SLC22A31: variants seen among roughly 807,000 people sequenced by gnomAD.
SLC22A31 encodes the protein putative solute carrier family 22 member 31.
Under a neutral mutation model 27.4 loss-of-function variants are expected in SLC22A31, and 42 were observed. That is an observed-to-expected ratio of 1.53 (90% CI 1.20 to 1.98). The LOEUF is 1.98. Ranked by LOEUF, SLC22A31 falls within the 30% of genes most tolerant of loss-of-function variation. The probability of loss-of-function intolerance (pLI) is 0.00; values close to 1 mark genes in which losing one functional copy is unlikely to be tolerated. For missense variants in SLC22A31, 593 were observed against 479.9 expected (o/e 1.24, Z -2.20); for synonymous variants, 290 against 230.8 (o/e 1.26, Z -2.33).
rs1010839834 is a variant in SLC22A31, at chr16:89,198,960, G to T, written c.452+63C>A. On this transcript the variant is annotated intron_variant, in intron 4 of 8. Coordinates refer to ENST00000682282, the MANE Select transcript of SLC22A31 (RefSeq NM_001384763.1). ...TTTACCTGGCATGGGATACGTCGGT[G>T]CAGAGGGAAGCTACATAGTCAGCCC... The T allele has an allele frequency of 4.0e-6, 6 of 1,514,744 alleles. No homozygotes were observed. The African/African-American group carries it at 8.3e-5, about 21-fold the overall frequency. The allele number at this position is 1,514,744 out of a possible 1,614,324, so 93.8% of individuals were successfully genotyped here.
chr16:89,196,386 C>G (rs1169336260), intron 8 of SLC22A31, 81 bp from the exon 9 acceptor site: 39 of 801,274 alleles, frequency 4.9e-5, no homozygotes, highest in East Asian at 2.9e-4. Context: ...GCCCGGCCCC[C>G]CTGTGGGACA....
In SLC22A31 at chr16:89,197,368, G is replaced by A; in HGVS notation, c.964C>T (p.Leu322Phe). 1 of 1,535,880 alleles carries A rather than the reference G, an allele frequency of 6.5e-7. No individual in the cohort carries two copies. Among genetic ancestry groups the A allele is most frequent in the Non-Finnish European group, 8.7e-7 (1 of 1,146,838 alleles). ...WTVLFLSVLG[L>F]LASRAVSALS... ...GCGGACACAGCCCGGGAGGCCAGGA[G>A]CCCCAGGACAGAGAGGAACAGCACA... Residue 322 changes from leucine (L) to phenylalanine (F), a missense_variant, in exon 8 of 9, where the codon CTC becomes TTC. Physicochemically the swap from Leu to Phe is conservative, Grantham distance 22 (BLOSUM62 0). Coordinates refer to ENST00000682282, the MANE Select transcript of SLC22A31 (RefSeq NM_001384763.1).
chr16:89,198,586 G>T (rs749715223), intron 5 of SLC22A31, 36 bp from the exon 6 acceptor site: 33 of 1,517,958 alleles, frequency 2.2e-5, no homozygotes, highest in Non-Finnish European at 2.9e-5. Flanking sequence ...GGGGGGTGAG[G>T]AGCTGTGCCT....
intron 8 of SLC22A31, among the ~76,000 whole-genome samples, chr16:89,196,702 C>T (rs1328959553): frequency 2.6e-5 from 4 of 152,166 alleles, no homozygotes; most frequent in Non-Finnish European, 5.9e-5. Flanking sequence ...AATCCCAGCA[C>T]TTTGGGAGGC....
At chr16:89,198,890 G>A (rs1426207528) in intron 4 of SLC22A31, 93 bp from the exon 5 acceptor site, 10 of 1,489,568 alleles carry the variant, frequency 6.7e-6, no homozygotes, top group East Asian at 2.5e-5. Flanking sequence ...CCAGGCTCAG[G>A]GGCAGGACAT....
At position 89,198,700 on chromosome 16, in the gene SLC22A31, C is replaced by A; in HGVS notation, c.550G>T (p.Gly184Cys). Residue 184 changes from glycine (G) to cysteine (C), a missense_variant, in exon 5 of 9, where the codon GGC (glycine) becomes TGC (cysteine). Coordinates refer to ENST00000682282, the MANE Select transcript of SLC22A31 (RefSeq NM_001384763.1). ...AAGGAACTGTCCCCGGGGCCCACGCCACTGGCTTCTGCAAAGCGCCACAGG... is the reference window on the plus strand; with the variant it reads ...AAGGAACTGTCCCCGGGGCCCACGCAACTGGCTTCTGCAAAGCGCCACAGG... Reference protein sequence around the residue: ...KILWRFAEASGVGPGDSSLEE... With the variant: ...KILWRFAEASCVGPGDSSLEE... The A allele has an allele frequency of 6.5e-7, 1 of 1,535,796 alleles. No homozygotes were observed. Among genetic ancestry groups the A allele is most frequent in the Non-Finnish European group, 8.7e-7 (1 of 1,146,810 alleles).
chr16:89,198,872 C>T, intron 4 of SLC22A31, 75 bp from the exon 5 acceptor site: 1 of 1,493,480 alleles, frequency 6.7e-7, no homozygotes, highest in African/African-American at 1.4e-5. Context: ...AGGGCCCCCA[C>T]CCCACCCCCA....
rs1442521169 is a variant in SLC22A31, at chr16:89,197,388, A to C, written c.944T>G (p.Leu315Arg). ...CAGGAGCCCCAGGACAGAGAGGAAC[A>C]GCACAGTCCAGCCTGGCAGATCTGG... is the stretch of plus-strand genomic sequence containing the variant. ...GAQYLPGWTV[L>R]FLSVLGLLAS... Residue 315 changes from leucine to arginine, a missense_variant, in exon 8 of 9, where the codon CTG (leucine) becomes CGG (arginine). By Grantham distance (102) the Leu-to-Arg change is moderately radical. Coordinates refer to ENST00000682282, the MANE Select transcript of SLC22A31 (RefSeq NM_001384763.1). 4.6e-6 allele frequency: 7 copies of C among 1,535,700 alleles called. No homozygotes were observed. The African/African-American group carries it at 9.6e-5, about 21-fold the overall frequency.
Position 89,198,808 on chromosome 16 carries a change from G to C in SLC22A31, c.453-11C>G, listed in dbSNP as rs1217632799. The C allele has an allele frequency of 2.0e-6, 3 of 1,524,796 alleles. No individual in the cohort carries two copies. The African/African-American group carries it at 4.1e-5, about 21-fold the overall frequency. 94.5% of individuals were successfully genotyped at this position (1,524,796 alleles called of 1,614,324 possible). A position where few individuals can be genotyped will look rare whatever the true frequency, so the allele number is the denominator to read the frequency against. ...AACAGGGCCGGGAACCTGCAGCGTT[G>C]GTGAGGATGCCCACGGCTCCCTCCA... On this transcript the variant is annotated splice_polypyrimidine_tract_variant and intron_variant, in intron 4 of 8. Coordinates refer to ENST00000682282, the MANE Select transcript of SLC22A31 (RefSeq NM_001384763.1).
rs780787731 is a variant in SLC22A31 at position 89,198,688 on chromosome 16, C to T, written c.562G>A (p.Gly188Arg). The change falls in exon 5 of 9, where the codon GGG (glycine) becomes AGG (arginine). Residue 188 changes from glycine to arginine, a missense_variant. Physicochemically the swap from Gly to Arg is moderately radical, Grantham distance 125. Transcript: ENST00000682282. Reference sequence around the variant, plus strand: ...GAGTTCTCCTCCAAGGAACTGTCCCCGGGGCCCACGCCACTGGCTTCTGCA... The same window carrying T: ...GAGTTCTCCTCCAAGGAACTGTCCCTGGGGCCCACGCCACTGGCTTCTGCA... ...RFAEASGVGP[G>R]DSSLEENSLA... is the part of the protein sequence containing the mutation. 15 of 1,535,610 alleles carry T rather than the reference C, an allele frequency of 9.8e-6. No homozygotes were observed. Among genetic ancestry groups the T allele is most frequent in the South Asian group, 3.6e-5 (3 of 84,070 alleles).
At chr16:89,197,459 C>A in intron 7 of SLC22A31, 50 bp from the exon 8 acceptor site, 2 of 1,370,928 alleles carry the variant, frequency 1.5e-6, no homozygotes, top group Non-Finnish European at 1.0e-6. Context: ...GGCCTTCCAC[C>A]CTGGCCACTC....
At chr16:89,200,888 C>G (rs1306602313), upstream of SLC22A31, among the ~76,000 whole-genome samples, 1 of 152,262 alleles carries the variant, frequency 6.6e-6, no homozygotes, top group East Asian at 1.9e-4. Context: ...GTCAGTCCCT[C>G]CAAGCAGAGA....
At chr16:89,198,053 C>A (rs1597319685) in intron 7 of SLC22A31, 69 bp downstream of exon 7, 1 of 1,496,454 alleles carries the variant, frequency 6.7e-7, no homozygotes, top group East Asian at 2.5e-5. Flanking sequence ...GCACTATGGC[C>A]CCCTGGTGTG....
At chr16:89,200,131 C>G (rs964167) in intron 1 of SLC22A31, 1 of 250,454 alleles carries the variant, frequency 4.0e-6, no homozygotes, top group Non-Finnish European at 7.5e-6. Context: ...TTGTCCGACC[C>G]GTTTCCACCT....
At position 89,197,301 on chromosome 16, in the gene SLC22A31, A is replaced by G; in HGVS notation, c.1031T>C (p.Ile344Thr). ...LFAAEVFPTV[I>T]RGAGLGLVLG... Reference sequence around the variant, plus strand: ...GCCGGGCAACCCTGAAGCTCACCTGATCACCGTGGGGAAGACCTCGGCCGC... The same window carrying G: ...GCCGGGCAACCCTGAAGCTCACCTGGTCACCGTGGGGAAGACCTCGGCCGC... Residue 344 changes from isoleucine to threonine, a missense_variant, in exon 8 of 9, where the codon ATC (isoleucine) becomes ACC (threonine). Coordinates refer to ENST00000682282, the MANE Select transcript of SLC22A31 (RefSeq NM_001384763.1). 1 of 1,535,410 alleles carries G rather than the reference A, an allele frequency of 6.5e-7. No homozygotes were observed. Among genetic ancestry groups the G allele is most frequent in the Non-Finnish European group, 8.7e-7 (1 of 1,146,614 alleles).
upstream of SLC22A31, chr16:89,201,646 C>T (rs1033144326): frequency 1.3e-5 from 5 of 397,432 alleles, no homozygotes; most frequent in Admixed American, 1.8e-4. Context: ...GCTCTCAGCA[C>T]CCGCGCCTCC....
intron 8 of SLC22A31, 71 bp downstream of exon 8, chr16:89,197,227 G>T: frequency 8.1e-7 from 1 of 1,238,534 alleles, no homozygotes; most frequent in Non-Finnish European, 1.1e-6. Flanking sequence ...AGGGCCTCCT[G>T]TCCACCTGGC....
At chr16:89,199,341 C>T (rs1916322827) in intron 3 of SLC22A31, 72 bp downstream of exon 3, 2 of 802,122 alleles carry the variant, frequency 2.5e-6, no homozygotes, top group South Asian at 1.9e-5. Context: ...GGGCCCTCGG[C>T]AAGGGAGCCT....
chr16:89,198,126 G>C lies in SLC22A31; in HGVS notation c.918C>G (p.Ala306=), dbSNP rs1265181411. 1 of 1,531,876 alleles carries C rather than the reference G, an allele frequency of 6.5e-7. No homozygotes were observed. Among genetic ancestry groups the C allele is most frequent in the Non-Finnish European group, 8.7e-7 (1 of 1,146,528 alleles). The allele number at this position is 1,531,876 out of a possible 1,614,324, so 94.9% of individuals were successfully genotyped here. A position where few individuals can be genotyped will look rare whatever the true frequency, so the allele number is the denominator to read the frequency against. Residue 306 remains alanine, a synonymous_variant, in exon 7 of 9, where the codon GCC becomes GCG. Transcript: ENST00000682282. ...GLASLLLLAG[A]QYLPGWTVLF... is the part of the protein sequence containing the mutation. The stretch of plus-strand genomic sequence containing the variant: ...CCTGCGGGGCCCCAAGCTCACACTG[G>C]GCCCCAGCGAGGAGCAGCAGGGATG...
Sources: gnomAD v4.1 joint callset for allele counts (sites outside exome capture counted in the v4.1 genomes callset) on GRCh38, gnomAD v4.1.1 for gene constraint, MANE v1.5 for transcripts, NCBI Gene and HGNC (gene_info 2026-07-23, HGNC 2026-07-21) for gene names.